Variants in GNAI1 observed in about 807,000 individuals in gnomAD.
GNAI1 encodes G protein subunit alpha i1, also known as guanine nucleotide-binding protein G(i) subunit alpha-1.
In GNAI1, 11 loss-of-function variants were observed where a neutral mutation model predicts 38.9. The ratio of observed to expected loss-of-function variants is 0.28; its 90% confidence interval spans 0.18 to 0.47. GNAI1 has a LOEUF of 0.47. Ranked by LOEUF, GNAI1 falls within the 20% of genes least tolerant of loss-of-function variation. The pLI is 0.99. For missense variants in GNAI1, 317 were observed against 436.9 expected (o/e 0.73, Z 2.45); for synonymous variants, 166 against 145.1 (o/e 1.14, Z -1.04).
At position 80,203,075 on chromosome 7, in the gene GNAI1, A is replaced by T. The variant is rs2115681840; in HGVS notation, c.462-629A>T. 2.6e-5 allele frequency among the ~76,000 whole-genome samples: 4 copies of T among 152,360 alleles called. No homozygotes were observed. In the Middle Eastern group the frequency reaches 0.01, roughly 389 times the overall value. On this transcript the variant is annotated intron_variant, in intron 4 of 7. Coordinates refer to ENST00000649796, the MANE Select transcript of GNAI1 (RefSeq NM_002069.6). ...AACTTAATCTCTTACATTGCATGGTATGATACTACTACATTTTTATATCAC... is the reference window on the plus strand; with the variant it reads ...AACTTAATCTCTTACATTGCATGGTTTGATACTACTACATTTTTATATCAC...
intron 4 of GNAI1, 114 bp from the exon 5 acceptor site, chr7:80,203,589 AC>A (rs1308369735): frequency 1.4e-5 from 9 of 641,472 alleles, no homozygotes; most frequent in Non-Finnish European, 2.4e-5. Context: ...AAATTTAAAA[AC>A]TTTTAGTGAT....
chr7:80,179,856 C>T (rs1053246910), intron 1 of GNAI1, among the ~76,000 whole-genome samples: 1 of 152,112 alleles, frequency 6.6e-6, no homozygotes, highest in Middle Eastern at 3.2e-3. Flanking sequence ...CCTTAGGGAT[C>T]ACAATTTTTT....
chr7:80,209,677 T>G (rs7798923), intron 5 of GNAI1, among the ~76,000 whole-genome samples: 9,061 of 152,252 alleles, frequency 0.06, 944 homozygotes, highest in African/African-American at 0.21. Context: ...AGAGGATGTG[T>G]GACATCTAAT....
intron 1 of GNAI1, among the ~76,000 whole-genome samples, chr7:80,181,288 AAGGTCCCT>A (rs768862541): frequency 2.0e-5 from 3 of 152,164 alleles, no homozygotes; most frequent in Non-Finnish European, 4.4e-5. Context: ...GGTAGATGGA[AAGGTCCCT>A]CCAGCACAAC....
intron 3 of GNAI1, among the ~76,000 whole-genome samples, chr7:80,191,428 G>A (rs1788478445): frequency 6.6e-6 from 1 of 152,162 alleles, no homozygotes; most frequent in Non-Finnish European, 1.5e-5. Flanking sequence ...GTCTCGCTCT[G>A]TAGCCCAGGC....
rs933488917 is a variant in GNAI1, at chr7:80,201,287, T to C, written c.461+1905T>C. Reference sequence around the variant, plus strand: ...TTGAGTCGAGTCCAGCAAAAGGAGCTACTTCAATAATTAAGGGGTACTACT... The same window carrying C: ...TTGAGTCGAGTCCAGCAAAAGGAGCCACTTCAATAATTAAGGGGTACTACT... On this transcript the variant is annotated intron_variant, in intron 4 of 7. Coordinates refer to ENST00000649796, the MANE Select transcript of GNAI1 (RefSeq NM_002069.6). 9.2e-5 allele frequency among the ~76,000 whole-genome samples: 14 copies of C among 152,328 alleles called. No homozygotes were observed. In the South Asian group the frequency reaches 2.9e-3, roughly 32 times the overall value.
chr7:80,164,260 G>T (rs1262259546), intron 1 of GNAI1, among the ~76,000 whole-genome samples: 2 of 151,534 alleles, frequency 1.3e-5, no homozygotes, highest in African/African-American at 4.8e-5. Context: ...GGCCAGGATG[G>T]TCTCATCTCT....
chr7:80,182,810 CAGTA>C (rs989290855), intron 1 of GNAI1, among the ~76,000 whole-genome samples: 1 of 152,220 alleles, frequency 6.6e-6, no homozygotes, highest in Non-Finnish European at 1.5e-5. Context: ...ACGTGACAAA[CAGTA>C]AGTCCTCAAG....
At chr7:80,217,237 A>ACTTCAGTTTCATATGTATGAAACTGT in intron 7 of GNAI1, 66 bp from the exon 8 acceptor site, 9 of 1,037,946 alleles carry the variant, frequency 8.7e-6, no homozygotes, top group South Asian at 1.8e-5. Context: ...TATGAAACTG[A>ACTTCAGTTTCATATGTATGAAACTGT]ATTCAGTATT....
intron 5 of GNAI1, among the ~76,000 whole-genome samples, chr7:80,205,619 T>G (rs1482242374): frequency 6.6e-6 from 1 of 152,046 alleles, no homozygotes; most frequent in African/African-American, 2.4e-5. Flanking sequence ...TTTAGTGGAG[T>G]TTTTTGGTTT....
rs897859083 is a variant in GNAI1, at chr7:80,225,436, T to A, written c.*7943T>A. 6.6e-6 allele frequency among the ~76,000 whole-genome samples: 1 copy of A among 152,080 alleles called. No individual in the cohort carries two copies. The highest frequency in any genetic ancestry group is 1.5e-5 in the Non-Finnish European group (1 of 68,012). On this transcript the variant is annotated 3_prime_UTR_variant, in exon 8 of 8. Transcript: ENST00000649796. The stretch of plus-strand genomic sequence containing the variant: ...CAGCCAAATCAAAAGATTAGTGGGG[T>A]TTTTTTTAATGTTGTTATTGTGTTG...
intron 7 of GNAI1, 149 bp from the exon 8 acceptor site, chr7:80,217,154 C>G: frequency 7.0e-6 from 2 of 286,720 alleles, no homozygotes. Context: ...ATAGTGTCTC[C>G]CATTCTAGAA....
At position 80,135,157 on chromosome 7, in the gene GNAI1, C is replaced by A; in HGVS notation, c.-4C>A. 3 of 1,502,726 alleles carry A rather than the reference C, an allele frequency of 2.0e-6. No homozygotes were observed. Among genetic ancestry groups the A allele is most frequent in the African/African-American group, 2.9e-5 (2 of 69,452 alleles). 93.1% of individuals were successfully genotyped at this position (1,502,726 alleles called of 1,614,324 possible). A position where few individuals can be genotyped will look rare whatever the true frequency, so the allele number is the denominator to read the frequency against. The stretch of plus-strand genomic sequence containing the variant: ...AGCGGCGGCAGGCTCTCGCTTTCGG[C>A]ACCATGGGCTGCACGCTGAGCGCCG... On this transcript the variant is annotated 5_prime_UTR_variant, in exon 1 of 8. Transcript: ENST00000649796.
Position 80,224,206 on chromosome 7 carries a change from C to T in GNAI1, c.*6713C>T, listed in dbSNP as rs1457436575. Reference sequence around the variant, plus strand: ...ACATACATAATTTATTGAGTGCCTACTGTGTGCTAGGTACTTTTCTGGGTA... The same window carrying T: ...ACATACATAATTTATTGAGTGCCTATTGTGTGCTAGGTACTTTTCTGGGTA... On this transcript the variant is annotated 3_prime_UTR_variant, in exon 8 of 8. Coordinates refer to ENST00000649796, the MANE Select transcript of GNAI1 (RefSeq NM_002069.6). Among the ~76,000 whole-genome samples the T allele has an allele frequency of 6.6e-6, 1 of 152,206 alleles. No homozygotes were observed. Among genetic ancestry groups the T allele is most frequent in the African/African-American group, 2.4e-5 (1 of 41,452 alleles).
At chr7:80,139,909 A>ATT (rs71076501) in intron 1 of GNAI1, among the ~76,000 whole-genome samples, 2 of 121,680 alleles carry the variant, frequency 1.6e-5, no homozygotes, top group East Asian at 2.5e-4. Context: ...TTGCCCTGCA[A>ATT]TTTTTTTTTT....
intron 5 of GNAI1, among the ~76,000 whole-genome samples, chr7:80,204,103 C>T (rs1352771050): frequency 1.3e-5 from 2 of 152,092 alleles, no homozygotes; most frequent in Non-Finnish European, 1.5e-5. Context: ...TAGTTTTTGG[C>T]TTTTATTTCT....
At chr7:80,139,315 G>T (rs1787482460) in intron 1 of GNAI1, among the ~76,000 whole-genome samples, 1 of 152,152 alleles carries the variant, frequency 6.6e-6, no homozygotes, top group Non-Finnish European at 1.5e-5. Context: ...TTCTACTGCA[G>T]ATATCATGCT....
At chr7:80,192,215 A>G (rs1311519516) in intron 3 of GNAI1, among the ~76,000 whole-genome samples, 1 of 152,164 alleles carries the variant, frequency 6.6e-6, no homozygotes, top group Admixed American at 6.5e-5. Context: ...TCTTATTAGA[A>G]TGGCATTCTT....
chr7:80,211,579 C>G (rs1449186782), intron 6 of GNAI1, among the ~76,000 whole-genome samples: 1 of 152,024 alleles, frequency 6.6e-6, no homozygotes, highest in East Asian at 1.9e-4. Flanking sequence ...CCACCACACC[C>G]AGCTGATTTT....
Sources: gnomAD v4.1 joint callset for allele counts (sites outside exome capture counted in the v4.1 genomes callset) on GRCh38, gnomAD v4.1.1 for gene constraint, MANE v1.5 for transcripts, NCBI Gene and HGNC (gene_info 2026-07-23, HGNC 2026-07-21) for gene names.